Variants in NBEA observed in about 807,000 individuals in gnomAD.
The protein encoded by NBEA is lysosomal-trafficking regulator 2.
Under a neutral mutation model 343.4 loss-of-function variants are expected in NBEA, and 44 were observed. The ratio of observed to expected loss-of-function variants is 0.13; its 90% confidence interval spans 0.10 to 0.16. The LOEUF is 0.16. Ranked by LOEUF, NBEA falls within the 10% of genes least tolerant of loss-of-function variation. The probability of loss-of-function intolerance (pLI) is 1.00; values close to 1 mark genes in which losing one functional copy is unlikely to be tolerated. For missense variants in NBEA, 2,555 were observed against 3,631.3 expected (o/e 0.70, Z 7.62); for synonymous variants, 1,175 against 1,238.7 (o/e 0.95, Z 1.08).
intron 41 of NBEA, among the ~76,000 whole-genome samples, chr13:35,491,896 G>T (rs2076513414): frequency 6.6e-6 from 1 of 151,960 alleles, no homozygotes; most frequent in African/African-American, 2.4e-5. Context: ...AAAGTTAGTG[G>T]ACAACAGTTC....
At chr13:35,329,095 G>GT (rs1364658249) in intron 36 of NBEA, among the ~76,000 whole-genome samples, 3 of 151,898 alleles carry the variant, frequency 2.0e-5, no homozygotes, top group African/African-American at 7.2e-5. Flanking sequence ...ATGAAAAAAT[G>GT]TTCCACCTTA....
chr13:35,211,550 C>T (rs1482560205), intron 33 of NBEA, among the ~76,000 whole-genome samples: 1 of 152,098 alleles, frequency 6.6e-6, no homozygotes, highest in Non-Finnish European at 1.5e-5. Flanking sequence ...TGTGGTGGCT[C>T]ACGCCTGTAA....
chr13:35,488,576 T>A (rs2076387317), intron 41 of NBEA, among the ~76,000 whole-genome samples: 1 of 152,012 alleles, frequency 6.6e-6, no homozygotes, highest in South Asian at 2.1e-4. Context: ...GATGTGCTTC[T>A]AGGACTTGTA....
intron 38 of NBEA, among the ~76,000 whole-genome samples, chr13:35,412,298 G>A (rs2043635189): frequency 6.6e-6 from 1 of 152,014 alleles, no homozygotes. Flanking sequence ...TAACTAAAAG[G>A]GCGCTGACCT....
intron 36 of NBEA, among the ~76,000 whole-genome samples, chr13:35,312,131 G>T (rs933998074): frequency 6.6e-6 from 1 of 152,178 alleles, no homozygotes; most frequent in Non-Finnish European, 1.5e-5. Context: ...AATGATTCCA[G>T]TTTCTTGGGG....
chr13:35,414,607 C>A (rs2043791640), intron 38 of NBEA, among the ~76,000 whole-genome samples: 1 of 152,176 alleles, frequency 6.6e-6, no homozygotes, highest in Non-Finnish European at 1.5e-5. Flanking sequence ...ATATGTGCCA[C>A]ATTTTCTTAA....
At chr13:35,201,632 CT>C (rs2073029025) in intron 31 of NBEA, among the ~76,000 whole-genome samples, 1 of 151,968 alleles carries the variant, frequency 6.6e-6, no homozygotes, top group Non-Finnish European at 1.5e-5. Context: ...TTGATCCATT[CT>C]TTTTGGCTCT....
intron 48 of NBEA, among the ~76,000 whole-genome samples, chr13:35,614,555 C>T (rs1471369624): frequency 2.0e-5 from 3 of 152,110 alleles, no homozygotes; most frequent in Admixed American, 6.5e-5. Context: ...TCAGTGAGGC[C>T]GTAGAGGAAA....
intron 1 of NBEA, among the ~76,000 whole-genome samples, chr13:35,021,115 T>C (rs1054577360): frequency 6.6e-6 from 1 of 152,182 alleles, no homozygotes; most frequent in Non-Finnish European, 1.5e-5. Flanking sequence ...CTCTCATTTT[T>C]TTGGAGTTTT....
At chr13:35,579,560 C>T (rs1048873079) in intron 45 of NBEA, among the ~76,000 whole-genome samples, 5 of 152,030 alleles carry the variant, frequency 3.3e-5, no homozygotes, top group African/African-American at 1.2e-4. Flanking sequence ...TGCAGAAATA[C>T]ACATCAAATA....
rs566753570 is a variant in NBEA at position 35,407,904 on chromosome 13, A to G, written c.6180-24365A>G. Among the ~76,000 whole-genome samples the G allele has an allele frequency of 3.3e-5, 5 of 152,318 alleles. No homozygotes were observed. The South Asian group carries it at 1.0e-3, about 32-fold the overall frequency. On this transcript the variant is annotated intron_variant, in intron 38 of 58. Coordinates refer to ENST00000379939, the MANE Select transcript of NBEA (RefSeq NM_001385012.1). ...AAAACATTCCATGCTCATGGATAGG[A>G]AGAATCAATATCATTAAAATGGCCA...
intron 17 of NBEA, among the ~76,000 whole-genome samples, chr13:35,132,137 G>A (rs1206509644): frequency 6.6e-6 from 1 of 152,076 alleles, no homozygotes; most frequent in Non-Finnish European, 1.5e-5. Context: ...GACTTCGCAT[G>A]AATGTTCTTA....
chr13:35,110,719 A>G (rs9573205), intron 12 of NBEA, 91 bp from the exon 13 acceptor site: 2 of 1,032,542 alleles, frequency 1.9e-6, no homozygotes, highest in African/African-American at 3.2e-5. Flanking sequence ...GTCTTTACTA[A>G]TTCACATTTA....
rs2045174851 is a variant in NBEA at position 35,432,344 on chromosome 13, A to G, written c.6255A>G (p.Ala2085=). The change falls in exon 39 of 59, where the codon GCA becomes GCG. Residue 2085 remains alanine (A), a synonymous_variant. Coordinates refer to ENST00000379939, the MANE Select transcript of NBEA (RefSeq NM_001385012.1). ...LRRRRRFVRN[A]FGSTHAEALL... ...GAAGGAGACGATTTGTTCGCAATGCATTTGGCTCCACTCATGCTGAAGCAT... is the reference window on the plus strand; with the variant it reads ...GAAGGAGACGATTTGTTCGCAATGCGTTTGGCTCCACTCATGCTGAAGCAT... 12 of 1,610,124 alleles carry G rather than the reference A, an allele frequency of 7.5e-6. No individual in the cohort carries two copies. Among genetic ancestry groups the G allele is most frequent in the Non-Finnish European group, 1.0e-5 (12 of 1,178,064 alleles).
At chr13:35,400,196 TAAAAAAAAAAAAAAAA>T (rs71081251) in intron 38 of NBEA, among the ~76,000 whole-genome samples, 6 of 78,238 alleles carry the variant, frequency 7.7e-5, no homozygotes, top group Non-Finnish European at 1.4e-4. Flanking sequence ...CTTCAATTTG[TAAAAAAAAAAAAAAAA>T]AAAAAAAAAA....
At chr13:35,657,243 A>G (rs1418989768) in intron 55 of NBEA, among the ~76,000 whole-genome samples, 1 of 152,236 alleles carries the variant, frequency 6.6e-6, no homozygotes, top group African/African-American at 2.4e-5. Flanking sequence ...GGATGAAGAA[A>G]CTAGGTGTGT....
chr13:34,979,551 T>G (rs755195824), intron 1 of NBEA, among the ~76,000 whole-genome samples: 3 of 152,046 alleles, frequency 2.0e-5, no homozygotes, highest in Non-Finnish European at 4.4e-5. Flanking sequence ...AATTTTCCCC[T>G]GGGAAGTACC....
chr13:35,042,594 T>C (rs1283443218), intron 2 of NBEA, among the ~76,000 whole-genome samples: 1 of 151,844 alleles, frequency 6.6e-6, no homozygotes, highest in Non-Finnish European at 1.5e-5. Context: ...AAAGTGACAG[T>C]GAAGATGATT....
chr13:35,339,884 A>G (rs2039485872), intron 36 of NBEA, among the ~76,000 whole-genome samples: 2 of 152,138 alleles, frequency 1.3e-5, no homozygotes, highest in South Asian at 4.2e-4. Flanking sequence ...ACCAAGCCCC[A>G]CCTCCACCAC....
Sources: allele counts gnomAD v4.1 joint callset (sites outside exome capture counted in the v4.1 genomes callset), GRCh38; gene constraint gnomAD v4.1.1; transcripts MANE v1.5; gene names NCBI Gene and HGNC (gene_info 2026-07-23, HGNC 2026-07-21).